The following ANO6 variants were observed in gnomAD, a reference collection of about 807,000 sequenced individuals.
ANO6 encodes the protein anoctamin 6.
In ANO6, 106 loss-of-function variants were observed where a neutral mutation model predicts 117.5. The observed-to-expected ratio is 0.90, with a 90% confidence interval of 0.77 to 1.06. The LOEUF is 1.06. Among genes scored for constraint, ANO6 ranks in the 50% least tolerant of loss-of-function variants. The pLI is 0.00. For missense variants in ANO6, 955 were observed against 1,121.1 expected (o/e 0.85, Z 2.12); for synonymous variants, 367 against 385.1 (o/e 0.95, Z 0.55).
chr12:45,327,518 T>G (rs1470635068), intron 2 of ANO6, among the ~76,000 whole-genome samples: 1 of 152,228 alleles, frequency 6.6e-6, no homozygotes, highest in Non-Finnish European at 1.5e-5. Flanking sequence ...AATTGGAGAC[T>G]ACTTCTGTGC....
At chr12:45,317,653 G>C (rs1271299275) in intron 2 of ANO6, among the ~76,000 whole-genome samples, 2 of 151,996 alleles carry the variant, frequency 1.3e-5, no homozygotes, top group African/African-American at 4.8e-5. Flanking sequence ...GGGATGGCTG[G>C]GTCAAATGGT....
At position 45,429,403 on chromosome 12, in the gene ANO6, T is replaced by C. The variant is rs1943583022; in HGVS notation, c.*92T>C. ...TGAGAATGTGTAAGTTAAATCACTT[T>C]GGCAAATATGAGTCTCAACTATTGC... On this transcript the variant is annotated 3_prime_UTR_variant, in exon 20 of 20. Transcript: ENST00000320560. 15 of 1,542,512 alleles carry C rather than the reference T, an allele frequency of 9.7e-6. No homozygotes were observed. Among genetic ancestry groups the C allele is most frequent in the Non-Finnish European group, 1.2e-5 (14 of 1,147,770 alleles).
At position 45,429,149 on chromosome 12, in the gene ANO6, C is replaced by T. The variant is rs759047790; in HGVS notation, c.2571C>T (p.Pro857=). ...SVKFFISYAI[P]DVSKRTKSKI... ...AATTTTTCATTTCATATGCAATTCC[C>T]GATGTATCAAAACGCACAAAGAGCA... Residue 857 remains proline, a synonymous_variant, in exon 20 of 20, where the codon CCC becomes CCT. Coordinates refer to ENST00000320560, the MANE Select transcript of ANO6 (RefSeq NM_001025356.3). The T allele has an allele frequency of 2.5e-5, 40 of 1,613,578 alleles. No individual in the cohort carries two copies. Among genetic ancestry groups the T allele is most frequent in the African/African-American group, 6.7e-5 (5 of 74,868 alleles).
At chr12:45,422,304 C>T (rs74390525) in intron 18 of ANO6, among the ~76,000 whole-genome samples, 1 of 151,986 alleles carries the variant, frequency 6.6e-6, no homozygotes, top group African/African-American at 2.4e-5. Context: ...CCTGATGATA[C>T]CATTATATAA....
chr12:45,427,737 TAAA>T (rs755601586), intron 19 of ANO6, among the ~76,000 whole-genome samples: 2 of 126,466 alleles, frequency 1.6e-5, no homozygotes, highest in Non-Finnish European at 1.7e-5. Flanking sequence ...TAAGTTGGTT[TAAA>T]AAAAAAAAAA....
chr12:45,416,599 T>C, intron 16 of ANO6, 100 bp from the exon 17 acceptor site: 1 of 1,063,926 alleles, frequency 9.4e-7, no homozygotes, highest in Non-Finnish European at 1.4e-6. Context: ...GTTTTCTCTC[T>C]GGGATTTAGT....
In ANO6 at chr12:45,348,603, T is replaced by C; in HGVS notation, c.719T>C (p.Ile240Thr). The C allele has an allele frequency of 6.2e-7, 1 of 1,613,924 alleles. No individual in the cohort carries two copies. Among genetic ancestry groups the C allele is most frequent in the Non-Finnish European group, 8.5e-7 (1 of 1,179,894 alleles). Reference sequence around the variant, plus strand: ...ATCAACAGACTTGTAAACTCTGGGATCTACAAGGCAGCTTTCCCACTCCAT... The same window carrying C: ...ATCAACAGACTTGTAAACTCTGGGACCTACAAGGCAGCTTTCCCACTCCAT... Reference protein sequence around the residue: ...FGINRLVNSGIYKAAFPLHDC... With the variant: ...FGINRLVNSGTYKAAFPLHDC... The change falls in exon 6 of 20, where the codon ATC (isoleucine) becomes ACC (threonine). Residue 240 changes from isoleucine to threonine, a missense_variant. Physicochemically the swap from Ile to Thr is moderately conservative, Grantham distance 89. Transcript: ENST00000320560.
At chr12:45,295,635 C>T (rs995973061) in intron 1 of ANO6, among the ~76,000 whole-genome samples, 4 of 152,076 alleles carry the variant, frequency 2.6e-5, no homozygotes, top group Admixed American at 2.6e-4. Context: ...AATTTCGGCT[C>T]ACTGCAACCT....
chr12:45,349,928 T>C (rs1183920745), intron 6 of ANO6, among the ~76,000 whole-genome samples: 1 of 152,224 alleles, frequency 6.6e-6, no homozygotes, highest in Non-Finnish European at 1.5e-5. Context: ...TTTGGCCATG[T>C]CTTTTCCACT....
chr12:45,408,520 C>T (rs1009773183), intron 15 of ANO6, among the ~76,000 whole-genome samples: 5 of 152,192 alleles, frequency 3.3e-5, no homozygotes, highest in African/African-American at 4.8e-5. Context: ...GCAGTATCCA[C>T]GGGTGGACAG....
intron 1 of ANO6, among the ~76,000 whole-genome samples, chr12:45,241,242 T>G (rs1947738384): frequency 6.6e-6 from 1 of 152,216 alleles, no homozygotes; most frequent in Admixed American, 6.5e-5. Flanking sequence ...GGAGGCTTTG[T>G]TCGTTTCTTT....
At chr12:45,423,210 T>C in intron 19 of ANO6, 148 bp downstream of exon 19, 1 of 696,560 alleles carries the variant, frequency 1.4e-6, no homozygotes, top group Non-Finnish European at 2.6e-6. Context: ...AGTATTGACC[T>C]GAAAATACTC....
At chr12:45,375,222 A>AG (rs1214580471) in intron 9 of ANO6, among the ~76,000 whole-genome samples, 1 of 152,232 alleles carries the variant, frequency 6.6e-6, no homozygotes, top group Non-Finnish European at 1.5e-5. Flanking sequence ...AACAAATGGA[A>AG]GAACATTCCA....
chr12:45,421,018 T>G, intron 17 of ANO6, 53 bp from the exon 18 acceptor site: 1 of 1,597,170 alleles, frequency 6.3e-7, no homozygotes, highest in South Asian at 1.1e-5. Flanking sequence ...AGACTCCGTC[T>G]CAAAAACAAA....
intron 2 of ANO6, among the ~76,000 whole-genome samples, chr12:45,314,048 C>T (rs530927231): frequency 1.5e-3 from 222 of 152,024 alleles, no homozygotes; most frequent in Non-Finnish European, 2.8e-3. Flanking sequence ...GTGCAGTTGA[C>T]GCTGGTTGGT....
At chr12:45,313,687 A>G (rs1231601114) in intron 2 of ANO6, among the ~76,000 whole-genome samples, 1 of 152,074 alleles carries the variant, frequency 6.6e-6, no homozygotes, top group Non-Finnish European at 1.5e-5. Context: ...AAGTACAGTT[A>G]CAGACACTTA....
At chr12:45,306,298 T>G (rs534357205) in intron 2 of ANO6, among the ~76,000 whole-genome samples, 22 of 152,304 alleles carry the variant, frequency 1.4e-4, no homozygotes, top group Admixed American at 1.4e-3. Context: ...TGTTTTTCAT[T>G]GCTTAGTCTC....
intron 2 of ANO6, among the ~76,000 whole-genome samples, chr12:45,305,920 A>G (rs534864555): frequency 6.6e-6 from 1 of 152,034 alleles, no homozygotes; most frequent in Non-Finnish European, 1.5e-5. Flanking sequence ...AAAAAAAATA[A>G]CTGGAGGTGC....
At chr12:45,229,653 G>T (rs1592843293) in intron 1 of ANO6, among the ~76,000 whole-genome samples, 1 of 152,148 alleles carries the variant, frequency 6.6e-6, no homozygotes, top group East Asian at 1.9e-4. Flanking sequence ...CTCCCAAAGT[G>T]CTGGGATTAC....
Sources: gnomAD v4.1 joint callset for allele counts (sites outside exome capture counted in the v4.1 genomes callset) on GRCh38, gnomAD v4.1.1 for gene constraint, MANE v1.5 for transcripts, NCBI Gene and HGNC (gene_info 2026-07-23, HGNC 2026-07-21) for gene names.